The following SGCG variants were observed in gnomAD, a reference collection of about 807,000 sequenced individuals.
SGCG encodes sarcoglycan gamma, also known as gamma-sarcoglycan.
In SGCG, 26 loss-of-function variants were observed where a neutral mutation model predicts 29.3. The observed-to-expected ratio is 0.89, with a 90% confidence interval of 0.65 to 1.23. SGCG has a LOEUF of 1.23. Among genes scored for constraint, SGCG ranks in the 50% most tolerant of loss-of-function variants. The probability of loss-of-function intolerance (pLI) is 0.00; values close to 1 mark genes in which losing one functional copy is unlikely to be tolerated. For synonymous variants in SGCG, 145 were observed against 129.7 expected (o/e 1.12, Z -0.80); for missense variants, 353 against 356.0 (o/e 0.99, Z 0.07).
chr13:23,300,118 CAATT>C (rs762103952), intron 6 of SGCG, among the ~76,000 whole-genome samples: 2 of 152,142 alleles, frequency 1.3e-5, no homozygotes, highest in Non-Finnish European at 2.9e-5. Flanking sequence ...GATGTGATGT[CAATT>C]AAGTAAGTTA....
chr13:23,264,465 T>C (rs940752582), intron 4 of SGCG, among the ~76,000 whole-genome samples: 3 of 152,148 alleles, frequency 2.0e-5, no homozygotes, highest in African/African-American at 7.2e-5. Context: ...CATATTCATG[T>C]ATTAGAAGAA....
intron 4 of SGCG, among the ~76,000 whole-genome samples, chr13:23,257,806 C>T (rs890988031): frequency 1.3e-5 from 2 of 152,150 alleles, no homozygotes; most frequent in East Asian, 1.9e-4. Flanking sequence ...AATAGGGAAT[C>T]GTTTCCCCAT....
intron 6 of SGCG, among the ~76,000 whole-genome samples, chr13:23,302,172 A>C (rs1238103788): frequency 6.6e-6 from 1 of 151,888 alleles, no homozygotes; most frequent in Non-Finnish European, 1.5e-5. Context: ...CTTACAGTTC[A>C]CTTACCCAAA....
chr13:23,292,115 C>CTTTCTTTT (rs1881732196), intron 5 of SGCG, among the ~76,000 whole-genome samples: 2 of 126,570 alleles, frequency 1.6e-5, no homozygotes, highest in Non-Finnish European at 3.4e-5. Flanking sequence ...CATAACATTT[C>CTTTCTTTT]TTTCTTTTTT....
intron 3 of SGCG, among the ~76,000 whole-genome samples, chr13:23,249,290 G>A (rs1175034844): frequency 6.6e-6 from 1 of 152,140 alleles, no homozygotes; most frequent in East Asian, 1.9e-4. Context: ...AGTGGTCCCT[G>A]GGATATTAGT....
intron 4 of SGCG, among the ~76,000 whole-genome samples, chr13:23,252,552 G>A (rs7324782): frequency 5.8e-4 from 88 of 152,166 alleles, no homozygotes; most frequent in African/African-American, 2.0e-3. Context: ...TTAGCCGGGC[G>A]TGGTGGCGGT....
chr13:23,183,280 C>G (rs576740477), intron 1 of SGCG, among the ~76,000 whole-genome samples: 3 of 152,260 alleles, frequency 2.0e-5, no homozygotes, highest in South Asian at 4.1e-4. Context: ...TCAATGCACC[C>G]TCTTATCCTG....
chr13:23,161,061 T>C, the SGCG span, among the ~76,000 whole-genome samples: 2 of 152,210 alleles, frequency 1.3e-5, no homozygotes, highest in African/African-American at 4.8e-5. Context: ...CTGGGGAGTC[T>C]GTAACACTGA....
chr13:23,318,759 A>G (rs1472587577), intron 6 of SGCG, among the ~76,000 whole-genome samples: 3 of 152,206 alleles, frequency 2.0e-5, no homozygotes, highest in Non-Finnish European at 4.4e-5. Context: ...GAAATAATGC[A>G]AAGGGTAAGA....
At chr13:23,288,627 A>G (rs1881590107) in intron 5 of SGCG, among the ~76,000 whole-genome samples, 1 of 152,214 alleles carries the variant, frequency 6.6e-6, no homozygotes, top group Non-Finnish European at 1.5e-5. Context: ...AAGCAGGCTC[A>G]TCTTCCTCCC....
intron 2 of SGCG, among the ~76,000 whole-genome samples, chr13:23,228,041 G>A (rs947588071): frequency 6.6e-6 from 1 of 151,916 alleles, no homozygotes; most frequent in African/African-American, 2.4e-5. Context: ...CAACTCCTGG[G>A]CTGAAGCTGT....
intron 6 of SGCG, among the ~76,000 whole-genome samples, chr13:23,310,163 T>C (rs578408): frequency 0.73 from 105,703 of 145,344 alleles, 39,816 homozygotes; most frequent in East Asian, 0.95. Context: ...CTCGGCTCAC[T>C]GCAAGCTCCG....
At chr13:23,254,249 G>A (rs1310887290) in intron 4 of SGCG, among the ~76,000 whole-genome samples, 1 of 152,160 alleles carries the variant, frequency 6.6e-6, no homozygotes, top group Non-Finnish European at 1.5e-5. Flanking sequence ...AATGCTGTTA[G>A]AAATGTGGGC....
At chr13:23,233,973 G>T (rs1474122856) in intron 2 of SGCG, among the ~76,000 whole-genome samples, 3 of 152,186 alleles carry the variant, frequency 2.0e-5, no homozygotes, top group Admixed American at 6.5e-5. Flanking sequence ...GAATGCAAAG[G>T]GCATGAATTG....
chr13:23,241,392 A>G (rs994711192), intron 3 of SGCG, among the ~76,000 whole-genome samples: 4 of 152,162 alleles, frequency 2.6e-5, no homozygotes, highest in African/African-American at 9.7e-5. Context: ...ATATTTGGAT[A>G]CATACAACCT....
intron 2 of SGCG, among the ~76,000 whole-genome samples, chr13:23,223,739 G>C (rs370869220): frequency 8.5e-5 from 13 of 152,280 alleles, no homozygotes; most frequent in African/African-American, 3.1e-4. Context: ...AGGCTGAGGA[G>C]GGCAGATCAT....
chr13:23,241,331 C>T (rs1373771959), intron 3 of SGCG, among the ~76,000 whole-genome samples: 1 of 151,778 alleles, frequency 6.6e-6, no homozygotes, highest in Non-Finnish European at 1.5e-5. Context: ...TTAGAGGCTA[C>T]CATGAACAAG....
At chr13:23,314,409 A>ATATATATATATAG (rs1593108262) in intron 6 of SGCG, among the ~76,000 whole-genome samples, 1 of 31,994 alleles carries the variant, frequency 3.1e-5, no homozygotes, top group African/African-American at 1.2e-4. Flanking sequence ...TATATATATA[A>ATATATATATATAG]TCTTATTCTG....
At chr13:23,254,930 G>A (rs1355398192) in intron 4 of SGCG, among the ~76,000 whole-genome samples, 1 of 152,244 alleles carries the variant, frequency 6.6e-6, no homozygotes, top group East Asian at 1.9e-4. Flanking sequence ...AGGAAGCTTG[G>A]CAGCTTGCAC....
Sources: gnomAD v4.1 joint callset for allele counts (sites outside exome capture counted in the v4.1 genomes callset) on GRCh38, gnomAD v4.1.1 for gene constraint, MANE v1.5 for transcripts, NCBI Gene and HGNC (gene_info 2026-07-23, HGNC 2026-07-21) for gene names.